TICRR: variants seen among roughly 807,000 people sequenced by gnomAD.
TICRR encodes TOPBP1 interacting checkpoint and replication regulator, also known as treslin.
A neutral mutation model predicts 178.1 loss-of-function variants in TICRR; 132 were observed. The observed-to-expected ratio is 0.74, with a 90% CI of 0.64 to 0.86. The LOEUF is 0.86. Among genes scored for constraint, TICRR ranks in the 40% least tolerant of loss-of-function variants. TICRR has a pLI of 0.00. For synonymous variants in TICRR, 991 were observed against 900.7 expected (o/e 1.10, Z -1.79); for missense variants, 2,587 against 2,334.3 (o/e 1.11, Z -2.23).
chr15:89,614,950 AG>A (rs1963311049), intron 15 of TICRR, among the ~76,000 whole-genome samples: 1 of 152,200 alleles, frequency 6.6e-6, no homozygotes. Context: ...CAGAGCCTCA[AG>A]GTTAGCCATA....
In TICRR at chr15:89,608,849, C is replaced by G. The variant is rs975205560; in HGVS notation, c.2769C>G (p.Ser923=). 12 of 1,606,250 alleles carry G rather than the reference C, an allele frequency of 7.5e-6. No homozygotes were observed. The highest frequency in any genetic ancestry group is 1.0e-5 in the Non-Finnish European group (12 of 1,177,020). ...ATCTTTTCAACCAGGAATTGCTTTC[C>G]CCTTCAAAGAGATCACTAAAGCGGG... The part of the protein sequence containing the change: ...RRNLFNQELL[S]PSKRSLKRGL... The change falls in exon 15 of 22, where the codon TCC becomes TCG. Residue 923 remains serine (S), a synonymous_variant. Coordinates refer to ENST00000268138, the MANE Select transcript of TICRR (RefSeq NM_152259.4).
chr15:89,576,837 A>C (rs866376435), intron 1 of TICRR, among the ~76,000 whole-genome samples: 1 of 135,852 alleles, frequency 7.4e-6, no homozygotes, highest in Admixed American at 7.2e-5. Context: ...ATATATATAT[A>C]TATATATATA....
chr15:89,597,321 C>T (rs1285270784), intron 7 of TICRR, among the ~76,000 whole-genome samples: 1 of 152,150 alleles, frequency 6.6e-6, no homozygotes, highest in South Asian at 2.1e-4. Context: ...GTCAGTAGTT[C>T]GAGATCAGCC....
intron 1 of TICRR, among the ~76,000 whole-genome samples, chr15:89,576,739 C>T (rs1169499937): frequency 6.6e-6 from 1 of 151,052 alleles, no homozygotes; most frequent in Non-Finnish European, 1.5e-5. Flanking sequence ...ACATCTCTCA[C>T]CCTCCATCTA....
intron 4 of TICRR, 27 bp downstream of exon 4, chr15:89,585,969 G>A (rs753995122): frequency 1.3e-6 from 2 of 1,592,056 alleles, no homozygotes; most frequent in Non-Finnish European, 1.7e-6. Flanking sequence ...GTAACTAACA[G>A]AGTCTAGGGT....
chr15:89,592,810 G>A (rs1036534192), intron 5 of TICRR, among the ~76,000 whole-genome samples: 3 of 152,206 alleles, frequency 2.0e-5, no homozygotes, highest in Non-Finnish European at 4.4e-5. Context: ...TATGGTTGAC[G>A]TTTATTTTCT....
chr15:89,606,306 C>G (rs1007084284), intron 13 of TICRR, among the ~76,000 whole-genome samples: 3 of 152,148 alleles, frequency 2.0e-5, no homozygotes, highest in African/African-American at 7.2e-5. Context: ...TGTTTCCATT[C>G]TTAGATGTTT....
intron 15 of TICRR, among the ~76,000 whole-genome samples, chr15:89,610,270 C>T (rs1027538480): frequency 7.2e-5 from 11 of 152,062 alleles, no homozygotes; most frequent in African/African-American, 2.4e-4. Flanking sequence ...TGTTGAGCTT[C>T]TGTTTTATTG....
rs1022136276 is a variant in TICRR at position 89,582,964 on chromosome 15, A to G, written c.933A>G (p.Glu311=). The change falls in exon 2 of 22, where the codon GAA becomes GAG. Residue 311 remains glutamate (E), a splice_region_variant and synonymous_variant. Coordinates refer to ENST00000268138, the MANE Select transcript of TICRR (RefSeq NM_152259.4). Reference sequence around the variant, plus strand: ...AAGGAATGTTATTTCTCCCTGTTGAAGGTAAGCAAATAATATTTTAAGGTT... The same window carrying G: ...AAGGAATGTTATTTCTCCCTGTTGAGGGTAAGCAAATAATATTTTAAGGTT... ...RMEGMLFLPV[E]AGKEIQETWT... is the part of the protein sequence containing the mutation. The G allele has an allele frequency of 1.3e-6, 2 of 1,598,016 alleles. No individual in the cohort carries two copies. The highest frequency in any genetic ancestry group is 1.7e-6 in the Non-Finnish European group (2 of 1,172,976).
chr15:89,626,010 C>G lies in TICRR; in HGVS notation c.5551C>G (p.Pro1851Ala). ...ASALQALTQS[P>A]LLFQGKTPSS... ...TGCCCTCCAGGCTCTGACCCAGTCT[C>G]CGCTGCTGTTCCAGGGGAAAACACC... Residue 1851 changes from proline to alanine, a missense_variant, in exon 21 of 22, where the codon CCG (proline) becomes GCG (alanine). Physicochemically the swap from Pro to Ala is conservative, Grantham distance 27. Coordinates refer to ENST00000268138, the MANE Select transcript of TICRR (RefSeq NM_152259.4). 1 of 1,613,120 alleles carries G rather than the reference C, an allele frequency of 6.2e-7. No homozygotes were observed. Among genetic ancestry groups the G allele is most frequent in the South Asian group, 1.1e-5 (1 of 90,926 alleles).
chr15:89,592,265 A>T, intron 5 of TICRR, 89 bp downstream of exon 5: 14 of 1,093,898 alleles, frequency 1.3e-5, no homozygotes, highest in Non-Finnish European at 1.9e-5. Context: ...ACATTCTCTG[A>T]GTATAGTCTA....
chr15:89,601,268 A>G lies in TICRR; in HGVS notation c.2154-30A>G, dbSNP rs1352215376. The G allele has an allele frequency of 1.9e-6, 3 of 1,599,236 alleles. 1 individual carries two copies. The South Asian group carries it at 3.3e-5, about 18-fold the overall frequency. ...CTTTTTGTTTAGTGACATCCAAAGT[A>G]GATATGACCAAGTATTTTTTTCTCT... On this transcript the variant is annotated intron_variant, in intron 9 of 21. Coordinates refer to ENST00000268138, the MANE Select transcript of TICRR (RefSeq NM_152259.4).
At position 89,623,918 on chromosome 15, in the gene TICRR, C is replaced by T. The variant is rs1483762355; in HGVS notation, c.3608C>T (p.Pro1203Leu). 2.5e-6 allele frequency: 4 copies of T among 1,613,964 alleles called. No homozygotes were observed. Among genetic ancestry groups the T allele is most frequent in the Non-Finnish European group, 3.4e-6 (4 of 1,180,030 alleles). ...ACTCCTAAGAGGCAAGGTACTCAGC[C>T]GCCTGGGTTTTTGCCAAACTGTACT... ...PRTPKRQGTQPPGFLPNCTWP... is the reference protein window; with the variant it reads ...PRTPKRQGTQLPGFLPNCTWP... Residue 1203 changes from proline (P) to leucine (L), a missense_variant, in exon 20 of 22, where the codon CCG (proline) becomes CTG (leucine). Transcript: ENST00000268138.
intron 5 of TICRR, among the ~76,000 whole-genome samples, chr15:89,593,923 G>A (rs990902176): frequency 6.6e-6 from 1 of 152,204 alleles, no homozygotes; most frequent in Non-Finnish European, 1.5e-5. Flanking sequence ...AGCTCTAGGT[G>A]GAAAAGGATT....
chr15:89,610,954 T>C (rs1354745311), intron 15 of TICRR, among the ~76,000 whole-genome samples: 1 of 152,176 alleles, frequency 6.6e-6, no homozygotes, highest in Non-Finnish European at 1.5e-5. Flanking sequence ...ATATACACTC[T>C]GCTACTATGT....
chr15:89,616,853 G>A (rs1963343879), intron 16 of TICRR, among the ~76,000 whole-genome samples: 1 of 152,216 alleles, frequency 6.6e-6, no homozygotes, highest in Non-Finnish European at 1.5e-5. Context: ...ACAGAGGTGT[G>A]GGTGGGGCTG....
At chr15:89,611,622 C>T (rs2141972738) in intron 15 of TICRR, among the ~76,000 whole-genome samples, 1 of 152,202 alleles carries the variant, frequency 6.6e-6, no homozygotes, top group African/African-American at 2.4e-5. Context: ...TGTGTTGGTA[C>T]ACTTGATGGT....
At chr15:89,600,144 A>G (rs1171198828) in intron 8 of TICRR, among the ~76,000 whole-genome samples, 1 of 152,172 alleles carries the variant, frequency 6.6e-6, no homozygotes, top group Non-Finnish European at 1.5e-5. Context: ...CTCCAGATGA[A>G]CTGAAACAGA....
chr15:89,583,986 C>T (rs186414381), intron 2 of TICRR, among the ~76,000 whole-genome samples: 69 of 152,252 alleles, frequency 4.5e-4, no homozygotes, highest in African/African-American at 1.6e-3. Flanking sequence ...CCGTGCCTGG[C>T]CTTCAATACT....
Sources: allele counts gnomAD v4.1 joint callset (sites outside exome capture counted in the v4.1 genomes callset), GRCh38; gene constraint gnomAD v4.1.1; transcripts MANE v1.5; gene names NCBI Gene and HGNC (gene_info 2026-07-23, HGNC 2026-07-21).